MARCHF10: variants seen among roughly 807,000 people sequenced by gnomAD.
MARCHF10 encodes the protein probable E3 ubiquitin-protein ligase MARCHF10.
Under a neutral mutation model 76.2 loss-of-function variants are expected in MARCHF10, and 64 were observed. That is an observed-to-expected ratio of 0.84 (90% CI 0.69 to 1.03). MARCHF10 has a LOEUF of 1.03. MARCHF10 is among the 50% of genes least tolerant of loss of function. MARCHF10 has a pLI of 0.00. For synonymous variants in MARCHF10, 340 were observed against 357.5 expected (o/e 0.95, Z 0.55); for missense variants, 875 against 958.0 (o/e 0.91, Z 1.14).
Position 62,725,015 on chromosome 17 carries a change from G to C in MARCHF10, c.2027C>G (p.Pro676Arg). 1 of 1,610,640 alleles carries C rather than the reference G, an allele frequency of 6.2e-7. No individual in the cohort carries two copies. The highest frequency in any genetic ancestry group is 8.5e-7 in the Non-Finnish European group (1 of 1,178,754). The change falls in exon 7 of 11, where the codon CCT (proline) becomes CGT (arginine). Residue 676 changes from proline (P) to arginine (R), a missense_variant. Pro to Arg is a moderately radical substitution (Grantham distance 103, BLOSUM62 -2). Coordinates refer to ENST00000311269, the MANE Select transcript of MARCHF10 (RefSeq NM_152598.4). ...CTGCAGGCTTCCCACACAGCCGCAA[G>C]GCTCCAGGAGGGGGTTGCTTGGGGA... ...GGSPSNPLLE[P>R]CGCVGSLQFV... is the part of the protein sequence containing the mutation.
At chr17:62,706,629 G>A (rs536753613) in intron 9 of MARCHF10, among the ~76,000 whole-genome samples, 2 of 152,106 alleles carry the variant, frequency 1.3e-5, no homozygotes, top group African/African-American at 2.4e-5. Context: ...ATGAACCAAC[G>A]GGGATTTGAG....
At chr17:62,766,206 A>C (rs1218450859) in intron 3 of MARCHF10, among the ~76,000 whole-genome samples, 4 of 151,924 alleles carry the variant, frequency 2.6e-5, no homozygotes, top group African/African-American at 9.7e-5. Flanking sequence ...AAAATAAATA[A>C]ATAAATAATT....
Position 62,737,454 on chromosome 17 carries a change from C to CA in MARCHF10, c.536-123dup, listed in dbSNP as rs1283748530. The stretch of plus-strand genomic sequence containing the variant: ...GACAAGACCTAGAGAAGAAAACAGA[C>CA]ACGGTCAAAATGGCTGGAGGTACAA... On this transcript the variant is annotated intron_variant, in intron 5 of 10. Transcript: ENST00000311269. The CA allele has an allele frequency of 1.1e-5, 10 of 910,456 alleles. No individual in the cohort carries two copies. In the African/African-American group the frequency reaches 1.7e-4, roughly 15 times the overall value. The allele number at this position is 910,456 out of a possible 1,614,324, so 56.4% of individuals were successfully genotyped here.
At chr17:62,765,866 C>T (rs1162367638) in intron 3 of MARCHF10, among the ~76,000 whole-genome samples, 2 of 151,792 alleles carry the variant, frequency 1.3e-5, no homozygotes, top group African/African-American at 4.8e-5. Context: ...GGTGCGAGGA[C>T]GAAAAGGAAG....
intron 4 of MARCHF10, among the ~76,000 whole-genome samples, chr17:62,757,246 C>T (rs190315388): frequency 4.0e-4 from 61 of 152,220 alleles, no homozygotes; most frequent in African/African-American, 1.3e-3. Context: ...GCTTCAATTT[C>T]GTACAGAATC....
chr17:62,760,063 G>A, intron 3 of MARCHF10, 57 bp from the exon 4 acceptor site: 1 of 1,497,516 alleles, frequency 6.7e-7, no homozygotes, highest in East Asian at 2.3e-5. Context: ...ACTTTGTTAG[G>A]CAGAGAAAAC....
At chr17:62,703,009 T>G (rs1210249244) in intron 10 of MARCHF10, among the ~76,000 whole-genome samples, 1 of 152,184 alleles carries the variant, frequency 6.6e-6, no homozygotes, top group South Asian at 2.1e-4. Flanking sequence ...CACCACCCCT[T>G]GTCTTGGTGA....
Position 62,725,145 on chromosome 17 carries a change from G to A in MARCHF10, c.1938-41C>T, listed in dbSNP as rs374563695. ...AGCCCTCGTGACCAGGAGGCTACACGTTTGCAGTTTCTACAAATACCAGTT... is the reference window on the plus strand; with the variant it reads ...AGCCCTCGTGACCAGGAGGCTACACATTTGCAGTTTCTACAAATACCAGTT... On this transcript the variant is annotated intron_variant, in intron 6 of 10. Coordinates refer to ENST00000311269, the MANE Select transcript of MARCHF10 (RefSeq NM_152598.4). 2.8e-4 allele frequency: 420 copies of A among 1,524,064 alleles called. 2 individuals carry two copies. The South Asian group carries it at 4.7e-3, about 17-fold the overall frequency. The allele number at this position is 1,524,064 out of a possible 1,614,324, so 94.4% of individuals were successfully genotyped here. A position where few individuals can be genotyped will look rare whatever the true frequency, so the allele number is the denominator to read the frequency against.
At chr17:62,775,157 A>C (rs1211686988) in intron 3 of MARCHF10, among the ~76,000 whole-genome samples, 14 of 131,394 alleles carry the variant, frequency 1.1e-4, no homozygotes, top group East Asian at 2.4e-4. Flanking sequence ...ATGAAGTCTC[A>C]CTCTCTCGCC....
chr17:62,796,955 T>A (rs2092995721), intron 2 of MARCHF10, among the ~76,000 whole-genome samples: 1 of 152,042 alleles, frequency 6.6e-6, no homozygotes, highest in Non-Finnish European at 1.5e-5. Context: ...ACTGCACCAC[T>A]GCACCCCGAC....
intron 4 of MARCHF10, among the ~76,000 whole-genome samples, chr17:62,754,341 C>T (rs904009571): frequency 1.3e-5 from 2 of 152,140 alleles, no homozygotes; most frequent in Non-Finnish European, 2.9e-5. Context: ...CCAGAGTGCT[C>T]GGATTACAGG....
intron 10 of MARCHF10, among the ~76,000 whole-genome samples, chr17:62,702,341 GCTCT>G (rs2089292977): frequency 6.6e-6 from 1 of 150,976 alleles, no homozygotes; most frequent in Non-Finnish European, 1.5e-5. Flanking sequence ...TTGAGTGAAT[GCTCT>G]CTGACAATTT....
At chr17:62,776,974 G>A (rs114155213) in intron 3 of MARCHF10, among the ~76,000 whole-genome samples, 259 of 152,316 alleles carry the variant, frequency 1.7e-3, no homozygotes, top group African/African-American at 6.0e-3. Context: ...GGTTTCAAGA[G>A]GGTCTGATCA....
At chr17:62,775,175 G>C (rs1376279850) in intron 3 of MARCHF10, among the ~76,000 whole-genome samples, 1 of 150,444 alleles carries the variant, frequency 6.6e-6, no homozygotes, top group East Asian at 2.0e-4. Flanking sequence ...GCCCAGGCTG[G>C]AGTGCAGTGG....
At chr17:62,781,077 T>C (rs1344622596) in intron 3 of MARCHF10, 1 of 152,214 alleles carries the variant, frequency 6.6e-6, no homozygotes, top group African/African-American at 2.4e-5. Flanking sequence ...ACCCACTTTC[T>C]AGTGGGTTAT....
chr17:62,793,437 A>AACCATCACC (rs1169941802), intron 2 of MARCHF10, among the ~76,000 whole-genome samples: 2 of 74,258 alleles, frequency 2.7e-5, no homozygotes, highest in Non-Finnish European at 5.3e-5. Flanking sequence ...CTACCACCAC[A>AACCATCACC]ACCATCACCA....
At chr17:62,705,202 A>C (rs1009711028) in intron 10 of MARCHF10, 3 of 1,244,420 alleles carry the variant, frequency 2.4e-6, no homozygotes, top group African/African-American at 3.1e-5. Context: ...CAGTAAAAAA[A>C]CCAACCCCCA....
At chr17:62,744,977 C>A (rs2091650004) in intron 4 of MARCHF10, among the ~76,000 whole-genome samples, 1 of 123,062 alleles carries the variant, frequency 8.1e-6, no homozygotes, top group Non-Finnish European at 1.6e-5. Context: ...GCACTCCAGC[C>A]TGGGCAACAC....
intron 9 of MARCHF10, among the ~76,000 whole-genome samples, chr17:62,709,250 C>T (rs1398578225): frequency 1.3e-5 from 2 of 152,124 alleles, no homozygotes; most frequent in Non-Finnish European, 2.9e-5. Context: ...GAGGCCAAGG[C>T]AGGTGGATCA....
Sources: gnomAD v4.1 joint callset for allele counts (sites outside exome capture counted in the v4.1 genomes callset) on GRCh38, gnomAD v4.1.1 for gene constraint, MANE v1.5 for transcripts, NCBI Gene and HGNC (gene_info 2026-07-23, HGNC 2026-07-21) for gene names.